PDE10A: variants seen among roughly 807,000 people sequenced by gnomAD.
PDE10A encodes the protein phosphodiesterase 10A.
Under a neutral mutation model 97.7 loss-of-function variants are expected in PDE10A, and 39 were observed. The observed-to-expected ratio is 0.40, with a 90% CI of 0.31 to 0.52. The LOEUF is 0.52. PDE10A is among the 20% of genes least tolerant of loss of function. PDE10A has a pLI of 0.56. For synonymous variants in PDE10A, 371 were observed against 376.8 expected (o/e 0.98, Z 0.18); for missense variants, 731 against 1,047.8 (o/e 0.70, Z 4.17).
chr6:165,615,897 G>A (rs1157556939), intron 1 of PDE10A, among the ~76,000 whole-genome samples: 1 of 152,118 alleles, frequency 6.6e-6, no homozygotes, highest in African/African-American at 2.4e-5. Context: ...GCAGGGGAAT[G>A]CATGAATCCA....
intron 1 of PDE10A, among the ~76,000 whole-genome samples, chr6:165,681,908 G>A (rs2128439585): frequency 6.6e-6 from 1 of 152,302 alleles, no homozygotes; most frequent in East Asian, 1.9e-4. Flanking sequence ...AATGATAAAT[G>A]AGTTTAATTT....
At chr6:165,648,113 C>A (rs372773655) in intron 1 of PDE10A, among the ~76,000 whole-genome samples, 2 of 152,168 alleles carry the variant, frequency 1.3e-5, no homozygotes, top group Non-Finnish European at 2.9e-5. Flanking sequence ...CTCGGGTTCA[C>A]GCCATTCTCC....
intron 1 of PDE10A, among the ~76,000 whole-genome samples, chr6:165,747,561 G>A (rs747828599): frequency 7.9e-5 from 12 of 151,980 alleles, no homozygotes; most frequent in African/African-American, 2.4e-4. Context: ...CAATTTGGCT[G>A]AAGTCTGTGC....
chr6:165,363,300 A>T (rs985533245), intron 18 of PDE10A, among the ~76,000 whole-genome samples: 2 of 152,120 alleles, frequency 1.3e-5, no homozygotes, highest in African/African-American at 2.4e-5. Context: ...GTAAACCATG[A>T]GGTCAGGAGT....
At chr6:165,928,199 CAT>C (rs1253848757) in intron 1 of PDE10A, among the ~76,000 whole-genome samples, 1 of 152,076 alleles carries the variant, frequency 6.6e-6, no homozygotes, top group African/African-American at 2.4e-5. Flanking sequence ...AGGGGGAAAA[CAT>C]GGGTCCTGCA....
rs1299145639 is a variant in PDE10A at position 165,943,251 on chromosome 6, G to GA, written c.-615+44277dup. ...AGAAAGAAAGAAGGAAGGAAGGAAG[G>GA]AAGGAAGGAAGGAAGGAAGGAAGGA... is the stretch of plus-strand genomic sequence containing the variant. On this transcript the variant is annotated intron_variant, in intron 1 of 19. Transcript: ENST00000366882. Among the ~76,000 whole-genome samples, 254 of 94,684 alleles carry GA rather than the reference G, an allele frequency of 2.7e-3. 23 individuals are homozygous for GA. Among genetic ancestry groups the GA allele is most frequent in the Middle Eastern group, 0.014 (3 of 218 alleles). The allele number at this position is 94,684 out of a possible 152,430, so 62.1% of individuals were successfully genotyped here. A position where few individuals can be genotyped will look rare whatever the true frequency, so the allele number is the denominator to read the frequency against.
intron 2 of PDE10A, among the ~76,000 whole-genome samples, chr6:165,497,130 A>G (rs1024794630): frequency 2.6e-5 from 4 of 152,218 alleles, no homozygotes; most frequent in South Asian, 2.1e-4. Flanking sequence ...TTCACAAGCC[A>G]TATCAAAAAA....
At chr6:165,580,639 G>A (rs1414687804) in intron 1 of PDE10A, among the ~76,000 whole-genome samples, 1 of 152,196 alleles carries the variant, frequency 6.6e-6, no homozygotes, top group Non-Finnish European at 1.5e-5. Flanking sequence ...GACTGAATAT[G>A]GAGAGAGTGG....
At chr6:165,834,777 G>A (rs1318692807) in intron 1 of PDE10A, among the ~76,000 whole-genome samples, 1 of 152,230 alleles carries the variant, frequency 6.6e-6, no homozygotes, top group Non-Finnish European at 1.5e-5. Flanking sequence ...AGTCAACAGG[G>A]GATGTTTGAA....
intron 2 of PDE10A, among the ~76,000 whole-genome samples, chr6:165,539,422 G>A (rs1299612965): frequency 6.6e-6 from 1 of 152,168 alleles, no homozygotes; most frequent in South Asian, 2.1e-4. Flanking sequence ...CTCTTTCTCT[G>A]TAAGACTTTC....
At position 165,403,668 on chromosome 6, in the gene PDE10A, T is replaced by C. The variant is rs528273551; in HGVS notation, c.2077-7209A>G. ...TGTCAATAGCATTAAATAATATCATTAGTCAAATTAAATTGATTCTCTAAG... is the reference window on the plus strand; with the variant it reads ...TGTCAATAGCATTAAATAATATCATCAGTCAAATTAAATTGATTCTCTAAG... On this transcript the variant is annotated intron_variant, in intron 13 of 21. Coordinates refer to ENST00000539869, the MANE Select transcript of PDE10A (RefSeq NM_001385079.1). Among the ~76,000 whole-genome samples the C allele has an allele frequency of 4.6e-5, 7 of 152,356 alleles. 1 individual carries two copies. Among genetic ancestry groups the C allele is most frequent in the Admixed American group, 4.6e-4 (7 of 15,302 alleles).
In PDE10A at chr6:165,720,298, T is replaced by C. The variant is rs528385095; in HGVS notation, c.-614-176730A>G. On this transcript the variant is annotated intron_variant, in intron 1 of 19. Transcript: ENST00000366882. ...TATTTTTTGAGGTTTATCTATACTT[T>C]TCTGAATTGCAGCATGTCCTGCTAT... is the stretch of plus-strand genomic sequence containing the variant. 2.2e-3 allele frequency among the ~76,000 whole-genome samples: 336 copies of C among 152,304 alleles called. 3 individuals carry two copies. Among genetic ancestry groups the C allele is most frequent in the South Asian group, 0.015 (74 of 4,828 alleles).
At chr6:165,967,375 TA>T (rs748207276) in intron 1 of PDE10A, among the ~76,000 whole-genome samples, 2 of 152,152 alleles carry the variant, frequency 1.3e-5, no homozygotes, top group East Asian at 3.9e-4. Flanking sequence ...TGCATGCCTG[TA>T]ATCCCAGCTC....
intron 1 of PDE10A, among the ~76,000 whole-genome samples, chr6:165,637,711 G>A (rs1490692633): frequency 2.0e-5 from 3 of 152,162 alleles, no homozygotes; most frequent in Non-Finnish European, 4.4e-5. Context: ...GCAAGGACAG[G>A]GGTCATCGAC....
intron 1 of PDE10A, among the ~76,000 whole-genome samples, chr6:165,893,768 G>A (rs915650313): frequency 1.3e-5 from 2 of 151,852 alleles, no homozygotes; most frequent in African/African-American, 2.4e-5. Flanking sequence ...GGGATTGAAC[G>A]GTCCAGGTAT....
intron 1 of PDE10A, among the ~76,000 whole-genome samples, chr6:165,720,846 G>T (rs1273794727): frequency 2.0e-5 from 3 of 152,204 alleles, no homozygotes; most frequent in Admixed American, 6.5e-5. Context: ...TCCACTCTAT[G>T]TGGCTCTGGC....
intron 1 of PDE10A, among the ~76,000 whole-genome samples, chr6:165,825,643 G>A (rs970487619): frequency 6.6e-6 from 1 of 152,226 alleles, no homozygotes; most frequent in Non-Finnish European, 1.5e-5. Flanking sequence ...GAGGCCCTGG[G>A]GAAGAGAGCA....
At chr6:165,430,177 G>T in intron 9 of PDE10A, 110 bp downstream of exon 9, 3 of 703,276 alleles carry the variant, frequency 4.3e-6, no homozygotes, top group Admixed American at 2.6e-5. Flanking sequence ...TTGTAAAGAC[G>T]GATCTTCAGT....
intron 1 of PDE10A, among the ~76,000 whole-genome samples, chr6:165,943,314 G>GAAAGA (rs1783637648): frequency 1.4e-5 from 1 of 73,236 alleles, no homozygotes; most frequent in African/African-American, 7.2e-5. Context: ...AAAGAAGGAA[G>GAAAGA]GAAGGAAAGA....
Sources: allele counts gnomAD v4.1 joint callset (sites outside exome capture counted in the v4.1 genomes callset), GRCh38; gene constraint gnomAD v4.1.1; transcripts MANE v1.5; gene names NCBI Gene and HGNC (gene_info 2026-07-23, HGNC 2026-07-21).